LIPI: variants seen among roughly 807,000 people sequenced by gnomAD.
LIPI encodes the protein lipase I.
Under a neutral mutation model 50.6 loss-of-function variants are expected in LIPI, and 59 were observed. The observed-to-expected ratio is 1.16, with a 90% CI of 0.94 to 1.45. The LOEUF (loss-of-function observed/expected upper bound fraction) is 1.45. LIPI is among the 40% of genes most tolerant of loss of function. The pLI is 0.00. For synonymous variants in LIPI, 203 were observed against 178.2 expected (o/e 1.14, Z -1.11); for missense variants, 586 against 536.3 (o/e 1.09, Z -0.92).
intron 6 of LIPI, among the ~76,000 whole-genome samples, chr21:14,163,901 A>G (rs1329990284): frequency 1.3e-5 from 2 of 151,592 alleles, no homozygotes; most frequent in African/African-American, 4.8e-5. Context: ...ATATAGCTCC[A>G]TGAGTATAGC....
chr21:14,114,397 T>C (rs1219169025), intron 9 of LIPI, among the ~76,000 whole-genome samples: 5 of 151,976 alleles, frequency 3.3e-5, no homozygotes, highest in Middle Eastern at 3.4e-3. Flanking sequence ...CAAGGGACCA[T>C]AGAAAAGACC....
chr21:14,179,895 A>G (rs1452284863), intron 4 of LIPI, among the ~76,000 whole-genome samples: 1 of 152,186 alleles, frequency 6.6e-6, no homozygotes, highest in Non-Finnish European at 1.5e-5. Flanking sequence ...GAAGACAACC[A>G]TAAGGTCTGA....
intron 9 of LIPI, among the ~76,000 whole-genome samples, chr21:14,127,223 A>G (rs1293281433): frequency 6.6e-6 from 1 of 152,160 alleles, no homozygotes; most frequent in African/African-American, 2.4e-5. Context: ...CATTTTTATA[A>G]CTCACATTCC....
At chr21:14,185,771 T>G (rs1046649271) in intron 3 of LIPI, among the ~76,000 whole-genome samples, 190 bp downstream of exon 3, 21 of 151,988 alleles carry the variant, frequency 1.4e-4, no homozygotes, top group African/African-American at 5.1e-4. Flanking sequence ...TAATCCCAGC[T>G]ACTCAGGAGG....
At chr21:14,166,332 G>T (rs553176390) in intron 5 of LIPI, 30 bp downstream of exon 5, 1 of 1,117,424 alleles carries the variant, frequency 8.9e-7, no homozygotes, top group Non-Finnish European at 1.4e-6. Flanking sequence ...CGAATATTAT[G>T]TAGTTCATTC....
intron 4 of LIPI, among the ~76,000 whole-genome samples, chr21:14,179,499 G>T (rs1300853244): frequency 5.3e-5 from 8 of 152,022 alleles, no homozygotes; most frequent in Non-Finnish European, 1.0e-4. Context: ...CAGTTCATTA[G>T]GATAAGTCAA....
At chr21:14,170,895 T>C (rs1389893525) in intron 4 of LIPI, among the ~76,000 whole-genome samples, 2 of 151,638 alleles carry the variant, frequency 1.3e-5, no homozygotes, top group Non-Finnish European at 2.9e-5. Flanking sequence ...AAATAAAGGG[T>C]ATTCAATTAG....
chr21:14,182,365 GA>G (rs1349751731), intron 3 of LIPI, among the ~76,000 whole-genome samples: 3 of 151,972 alleles, frequency 2.0e-5, no homozygotes, highest in Non-Finnish European at 4.4e-5. Context: ...CTTAAGAAAA[GA>G]AAAAATATAT....
chr21:14,188,946 T>A, intron 2 of LIPI, 88 bp downstream of exon 2: 1 of 1,087,732 alleles, frequency 9.2e-7, no homozygotes, highest in Non-Finnish European at 1.4e-6. Flanking sequence ...ATTATCACTT[T>A]GTGGTATTGA....
At position 14,166,428 on chromosome 21, in the gene LIPI, C is replaced by A; in HGVS notation, c.667G>T (p.Gly223Ter). The change falls in exon 5 of 10, where the codon GGA becomes TGA. Residue 223 changes from glycine (G) to a stop codon, truncating the protein, a stop_gained. Coordinates refer to ENST00000681601, the MANE Select transcript of LIPI (RefSeq NM_001302998.2). LOFTEE classifies it high-confidence loss of function. The part of the protein sequence containing the change: ...SNGLGIQEPL[G>*]HIDFYPNGGN... ...CCATTTGGATAAAAATCTATATGTCCCAAGGGCTCTTGAATGCCTAAACCT... is the reference window on the plus strand; with the variant it reads ...CCATTTGGATAAAAATCTATATGTCACAAGGGCTCTTGAATGCCTAAACCT... 6.2e-7 allele frequency: 1 copy of A among 1,608,378 alleles called. No homozygotes were observed.
chr21:14,186,237 A>T (rs994275133), intron 2 of LIPI, among the ~76,000 whole-genome samples, 168 bp from the exon 3 acceptor site: 2 of 152,212 alleles, frequency 1.3e-5, no homozygotes, highest in Admixed American at 1.3e-4. Context: ...TATTTGTTCA[A>T]CTTTTGCCAC....
rs1451684125 is a variant in LIPI at position 14,161,794 on chromosome 21, A to G, written c.1006+1625T>C. 4.9e-5 allele frequency among the ~76,000 whole-genome samples: 2 copies of G among 41,008 alleles called. 1 individual carries two copies. Among genetic ancestry groups the G allele is most frequent in the Non-Finnish European group, 7.5e-5 (2 of 26,564 alleles). The allele number at this position is 41,008 out of a possible 152,430, so 26.9% of individuals were successfully genotyped here. A position where few individuals can be genotyped will look rare whatever the true frequency, so the allele number is the denominator to read the frequency against. The stretch of plus-strand genomic sequence containing the variant: ...TATATTAATATATAATATATACATT[A>G]TTATATATTAATGTATAATATATAC... On this transcript the variant is annotated intron_variant, in intron 7 of 9. Transcript: ENST00000681601.
chr21:14,189,535 T>A (rs2019591836), intron 1 of LIPI, 116 bp from the exon 2 acceptor site: 1 of 887,480 alleles, frequency 1.1e-6, no homozygotes, highest in South Asian at 1.6e-5. Context: ...TCATGAGCCC[T>A]TCAACATAAT....
At chr21:14,179,294 T>G (rs142805551) in intron 4 of LIPI, among the ~76,000 whole-genome samples, 1 of 151,978 alleles carries the variant, frequency 6.6e-6, no homozygotes, top group East Asian at 1.9e-4. Flanking sequence ...GTTCACCAGG[T>G]ATGTGCTGAG....
intron 8 of LIPI, among the ~76,000 whole-genome samples, chr21:14,145,579 GAGA>G (rs923575735): frequency 1.3e-5 from 2 of 151,960 alleles, no homozygotes; most frequent in Non-Finnish European, 2.9e-5. Context: ...AGAGGAGAAA[GAGA>G]AGGAGAAGGA....
chr21:14,152,960 T>C (rs955079892), intron 7 of LIPI, among the ~76,000 whole-genome samples: 1 of 152,152 alleles, frequency 6.6e-6, no homozygotes, highest in Non-Finnish European at 1.5e-5. Flanking sequence ...AGATCCTAAA[T>C]ACTGGCTTGT....
At chr21:14,151,068 T>C (rs2018072635) in intron 8 of LIPI, among the ~76,000 whole-genome samples, 1 of 152,190 alleles carries the variant, frequency 6.6e-6, no homozygotes, top group African/African-American at 2.4e-5. Context: ...AGGATAATCA[T>C]GGCATCCCTT....
intron 9 of LIPI, among the ~76,000 whole-genome samples, chr21:14,124,394 A>G (rs2016975906): frequency 6.6e-6 from 1 of 152,184 alleles, no homozygotes; most frequent in African/African-American, 2.4e-5. Flanking sequence ...AGTGTAGTGT[A>G]GCAACCTCAC....
At chr21:14,146,230 T>G (rs1033062075) in intron 8 of LIPI, among the ~76,000 whole-genome samples, 1 of 151,520 alleles carries the variant, frequency 6.6e-6, no homozygotes, top group Admixed American at 6.6e-5. Flanking sequence ...TAAGGATGCC[T>G]GAAGCTCACT....
Sources: gnomAD v4.1 joint callset for allele counts (sites outside exome capture counted in the v4.1 genomes callset) on GRCh38, gnomAD v4.1.1 for gene constraint, MANE v1.5 for transcripts, NCBI Gene and HGNC (gene_info 2026-07-23, HGNC 2026-07-21) for gene names.